Variants in DENND11 observed in about 807,000 individuals in gnomAD.
DENND11 encodes the protein DENN domain containing 11.
A neutral mutation model predicts 49.2 loss-of-function variants in DENND11; 34 were observed. The ratio of observed to expected loss-of-function variants is 0.69; its 90% CI spans 0.53 to 0.92. The LOEUF (loss-of-function observed/expected upper bound fraction) is 0.92, where lower values mean the gene tolerates loss of function less well. Among genes scored for constraint, DENND11 ranks in the 40% least tolerant of loss-of-function variants. The pLI is 0.00. For synonymous variants in DENND11, 238 were observed against 230.3 expected, an observed-to-expected ratio of 1.03 and a Z score of -0.30; for missense variants, 475 against 581.6, an observed-to-expected ratio of 0.82 and a Z score of 1.88.
In DENND11 at chr7:141,691,403, T is replaced by C. The variant is rs889513448; in HGVS notation, c.269-4745A>G. On this transcript the variant is annotated intron_variant, in intron 1 of 8. Transcript: ENST00000536163. ...CCTATCTTGATTATGCCACTGTTGA[T>C]TTGGGCTTCTAGTATTCATGTCCAG... Among the ~76,000 whole-genome samples, 8 of 152,204 alleles carry C rather than the reference T, an allele frequency of 5.3e-5. No homozygotes were observed. The South Asian group carries it at 1.5e-3, about 28-fold the overall frequency.
rs1441124504 is a variant in DENND11 at position 141,661,486 on chromosome 7, G to A, written c.*1170C>T. On this transcript the variant is annotated 3_prime_UTR_variant, in exon 9 of 9. Transcript: ENST00000536163. ...TTCCTGACCACTGTCCCGGGTGAAGGCACTGCCACATTTTCTCTCAACAAA... is the reference window on the plus strand; with the variant it reads ...TTCCTGACCACTGTCCCGGGTGAAGACACTGCCACATTTTCTCTCAACAAA... 1 of 152,246 alleles carries A rather than the reference G, an allele frequency of 6.6e-6. No individual in the cohort carries two copies. Among genetic ancestry groups the A allele is most frequent in the Admixed American group, 6.5e-5 (1 of 15,286 alleles). 9.4% of individuals were successfully genotyped at this position (152,246 alleles called of 1,614,324 possible).
chr7:141,696,444 A>G (rs1475875229), intron 1 of DENND11, among the ~76,000 whole-genome samples: 2 of 152,332 alleles, frequency 1.3e-5, no homozygotes, highest in Non-Finnish European at 2.9e-5. Context: ...TCTCTTTTTA[A>G]TAGGAAATAT....
At chr7:141,676,994 C>T (rs1037200761) in intron 3 of DENND11, among the ~76,000 whole-genome samples, 2 of 152,208 alleles carry the variant, frequency 1.3e-5, no homozygotes, top group African/African-American at 2.4e-5. Context: ...TGATAAAACA[C>T]AGCCATATGT....
chr7:141,686,480 A>G, intron 2 of DENND11, 79 bp downstream of exon 2: 1 of 877,772 alleles, frequency 1.1e-6, no homozygotes, highest in Non-Finnish European at 1.9e-6. Flanking sequence ...AGACCTCCTA[A>G]TAAGAGCCCT....
Position 141,660,861 on chromosome 7 carries a change from C to G in DENND11, c.*1795G>C, listed in dbSNP as rs890541125. ...CACAGATTTTTTTTTCTTTTGTAAA[C>G]ATACACATTACTGAAATGACAGCAA... On this transcript the variant is annotated 3_prime_UTR_variant, in exon 9 of 9. Transcript: ENST00000536163. 36 of 152,584 alleles carry G rather than the reference C, an allele frequency of 2.4e-4. No individual in the cohort carries two copies. Among genetic ancestry groups the G allele is most frequent in the Admixed American group, 2.1e-3 (32 of 15,294 alleles). 9.5% of individuals were successfully genotyped at this position (152,584 alleles called of 1,614,324 possible). A position where few individuals can be genotyped will look rare whatever the true frequency, so the allele number is the denominator to read the frequency against.
intron 3 of DENND11, among the ~76,000 whole-genome samples, chr7:141,679,094 A>G (rs1798109574): frequency 6.6e-6 from 1 of 152,198 alleles, no homozygotes; most frequent in Admixed American, 6.5e-5. Context: ...AAGACTAGTG[A>G]ATTTATGTAA....
At chr7:141,674,031 T>C in intron 4 of DENND11, 36 bp downstream of exon 4, 5 of 1,590,422 alleles carry the variant, frequency 3.1e-6, no homozygotes, top group Non-Finnish European at 2.6e-6. Context: ...CAGATACAGA[T>C]CCAGTATAGT....
Position 141,664,669 on chromosome 7 carries a change from T to C in DENND11, c.1103+235A>G, listed in dbSNP as rs1797859034. Among the ~76,000 whole-genome samples, 3 of 152,120 alleles carry C rather than the reference T, an allele frequency of 2.0e-5. No individual in the cohort carries two copies. The South Asian group carries it at 6.2e-4, about 32-fold the overall frequency. Reference sequence around the variant, plus strand: ...TAATTTCCACAGATTCCAAAGTCCATGAGAAGAAATAAACCAGCACCGTGG... The same window carrying C: ...TAATTTCCACAGATTCCAAAGTCCACGAGAAGAAATAAACCAGCACCGTGG... On this transcript the variant is annotated intron_variant, in intron 7 of 8. Transcript: ENST00000536163.
At chr7:141,694,416 A>T (rs975628487) in intron 1 of DENND11, among the ~76,000 whole-genome samples, 12 of 152,120 alleles carry the variant, frequency 7.9e-5, no homozygotes, top group Non-Finnish European at 1.5e-4. Flanking sequence ...ATGCGCCACC[A>T]TGCCGGGCTA....
chr7:141,682,331 C>T (rs1407302569), intron 3 of DENND11, among the ~76,000 whole-genome samples: 3 of 152,154 alleles, frequency 2.0e-5, no homozygotes, highest in Non-Finnish European at 4.4e-5. Context: ...GAAGCAGAAG[C>T]TGCTAACTTT....
chr7:141,689,575 G>A (rs1798293117), intron 1 of DENND11, among the ~76,000 whole-genome samples: 1 of 152,150 alleles, frequency 6.6e-6, no homozygotes, highest in Non-Finnish European at 1.5e-5. Context: ...TAACAAACCT[G>A]CACATCCTGC....
At chr7:141,699,162 G>C (rs1016821061) in intron 1 of DENND11, among the ~76,000 whole-genome samples, 2 of 152,204 alleles carry the variant, frequency 1.3e-5, no homozygotes, top group East Asian at 3.9e-4. Flanking sequence ...CAACACAGGC[G>C]AAGGAGGGGC....
chr7:141,691,952 A>G (rs1302090103), intron 1 of DENND11, among the ~76,000 whole-genome samples: 1 of 152,236 alleles, frequency 6.6e-6, no homozygotes, highest in African/African-American at 2.4e-5. Context: ...GTTTAAAAAA[A>G]CTGATGAATT....
At chr7:141,694,236 A>G (rs957430015) in intron 1 of DENND11, among the ~76,000 whole-genome samples, 2 of 152,178 alleles carry the variant, frequency 1.3e-5, no homozygotes, top group African/African-American at 4.8e-5. Flanking sequence ...ATGTAGAAAA[A>G]TAGCCTTATT....
At position 141,701,941 on chromosome 7, in the gene DENND11, G is replaced by T; in HGVS notation, c.213C>A (p.Asp71Glu). 2 of 1,200,424 alleles carry T rather than the reference G, an allele frequency of 1.7e-6. No homozygotes were observed. Among genetic ancestry groups the T allele is most frequent in the Non-Finnish European group, 2.1e-6 (2 of 967,508 alleles). 74.4% of individuals were successfully genotyped at this position (1,200,424 alleles called of 1,614,324 possible). ...CGGCCACCACCTGGTCCTCCTCCAC[G>T]TCGCCCAGCTCCAGGCGCCCGGGCT... is the stretch of plus-strand genomic sequence containing the variant. The part of the protein sequence containing the change: ...LLQPGRLELG[D>E]VEEDQVVAVF... Residue 71 changes from aspartate to glutamate, a missense_variant, in exon 1 of 9, where the codon GAC becomes GAA. Asp to Glu is a conservative substitution (Grantham distance 45). Transcript: ENST00000536163.
At chr7:141,665,375 C>T in intron 5 of DENND11, 57 bp from the exon 6 acceptor site, 1 of 1,603,832 alleles carries the variant, frequency 6.2e-7, no homozygotes, top group Non-Finnish European at 8.5e-7. Flanking sequence ...CCCTTCCTCC[C>T]TCGGAGCCTG....
intron 3 of DENND11, among the ~76,000 whole-genome samples, chr7:141,677,901 T>TA (rs947113777): frequency 5.9e-5 from 9 of 152,112 alleles, no homozygotes; most frequent in Admixed American, 1.3e-4. Flanking sequence ...TAATTCATGA[T>TA]ACACCGGAAA....
At chr7:141,665,638 C>T (rs947052025) in intron 5 of DENND11, among the ~76,000 whole-genome samples, 2 of 148,804 alleles carry the variant, frequency 1.3e-5, no homozygotes, top group Non-Finnish European at 2.9e-5. Flanking sequence ...CCCCTTCTGC[C>T]TGTCCCTCCC....
intron 4 of DENND11, among the ~76,000 whole-genome samples, chr7:141,666,923 TCTTC>T (rs1287117052): frequency 6.6e-6 from 1 of 152,114 alleles, no homozygotes; most frequent in African/African-American, 2.4e-5. Flanking sequence ...CTCTGACCAC[TCTTC>T]CTTCTTTTTT....
Sources: gnomAD v4.1 joint callset for allele counts (sites outside exome capture counted in the v4.1 genomes callset) on GRCh38, gnomAD v4.1.1 for gene constraint, MANE v1.5 for transcripts, NCBI Gene and HGNC (gene_info 2026-07-23, HGNC 2026-07-21) for gene names.